The following SPAG5 variants were observed in gnomAD, a reference collection of about 807,000 sequenced individuals.
SPAG5 encodes sperm associated antigen 5, also known as sperm-associated antigen 5.
In SPAG5, 99 loss-of-function variants were observed where a neutral mutation model predicts 145.4. The observed-to-expected ratio is 0.68, with a 90% confidence interval of 0.58 to 0.80. The LOEUF (loss-of-function observed/expected upper bound fraction) is 0.80. Among genes scored for constraint, SPAG5 ranks in the 30% least tolerant of loss-of-function variants. SPAG5 has a pLI of 0.00. For synonymous variants in SPAG5, 477 were observed against 525.4 expected (o/e 0.91, Z 1.26); for missense variants, 1,192 against 1,416.0 (o/e 0.84, Z 2.54).
intron 2 of SPAG5, among the ~76,000 whole-genome samples, chr17:28,594,703 C>G (rs1347617882): frequency 6.6e-6 from 1 of 152,206 alleles, no homozygotes; most frequent in African/African-American, 2.4e-5. Flanking sequence ...CTGGTACTGT[C>G]CTACTTACTG....
chr17:28,583,116 T>C (rs1280603340), intron 15 of SPAG5, among the ~76,000 whole-genome samples: 1 of 152,218 alleles, frequency 6.6e-6, no homozygotes, highest in Non-Finnish European at 1.5e-5. Context: ...TAGCTGGGAC[T>C]ACAGGTTCAC....
chr17:28,592,982 T>C lies in SPAG5; in HGVS notation c.262A>G (p.Lys88Glu). ...TCATGCTGACAAGTTTCTAGCCACT[T>C]TGAGGAATGACTGAAATGTTCTGAA... ...LSSEHFSHSS[K>E]WLETCQHESD... is the part of the protein sequence containing the mutation. Residue 88 changes from lysine to glutamate, a missense_variant, in exon 3 of 24, where the codon AAG (lysine) becomes GAG (glutamate). Around this residue, in one of 5 missense-constraint regions of SPAG5, gnomAD observed 329 missense variants for 354.0 expected, o/e 0.93. Transcript: ENST00000321765. The C allele has an allele frequency of 3.1e-6, 5 of 1,614,204 alleles. No individual in the cohort carries two copies. The highest frequency in any genetic ancestry group is 4.2e-6 in the Non-Finnish European group (5 of 1,180,038).
In SPAG5 at chr17:28,596,623, G is replaced by A. The variant is rs544479138; in HGVS notation, c.177+1887C>T. Among the ~76,000 whole-genome samples the A allele has an allele frequency of 1.8e-4, 27 of 152,194 alleles. 1 individual carries two copies. Among genetic ancestry groups the A allele is most frequent in the Admixed American group, 7.2e-4 (11 of 15,292 alleles). On this transcript the variant is annotated intron_variant, in intron 2 of 23. Transcript: ENST00000321765. ...GCAGAGGTTGCAACGAGCCAAGATC[G>A]TGCCATTGCACTCCAGCCTAGGGAA...
Position 28,584,414 on chromosome 17 carries a change from T to C in SPAG5, c.2228A>G (p.His743Arg). ...AGCCAGGTCCTGGGCACAATGGGTA[T>C]GCTGACTCTGTAGCTCTTTTAGCTG... ...DSQLKELQSQ[H>R]THCAQDLAMK... is the part of the protein sequence containing the mutation. The change falls in exon 12 of 24, where the codon CAT becomes CGT. Residue 743 changes from histidine (H) to arginine (R), a missense_variant. By Grantham distance (29) the His-to-Arg change is conservative. Coordinates refer to ENST00000321765, the MANE Select transcript of SPAG5 (RefSeq NM_006461.4). 1 of 1,614,192 alleles carries C rather than the reference T, an allele frequency of 6.2e-7. No homozygotes were observed. The highest frequency in any genetic ancestry group is 8.5e-7 in the Non-Finnish European group (1 of 1,180,034).
At chr17:28,581,447 C>A (rs1361099664) in intron 15 of SPAG5, among the ~76,000 whole-genome samples, 1 of 151,052 alleles carries the variant, frequency 6.6e-6, no homozygotes, top group Non-Finnish European at 1.5e-5. Context: ...CCCTTTCGAC[C>A]CTTTCCTAAC....
chr17:28,579,760 G>A lies in SPAG5; in HGVS notation c.2875C>T (p.Gln959Ter). The A allele has an allele frequency of 6.2e-7, 1 of 1,614,058 alleles. No individual in the cohort carries two copies. Among genetic ancestry groups the A allele is most frequent in the South Asian group, 1.1e-5 (1 of 91,084 alleles). Residue 959 changes from glutamine to a stop codon, truncating the protein, a stop_gained, in exon 17 of 24, where the codon CAG (glutamine) becomes TAG (stop). Coordinates refer to ENST00000321765, the MANE Select transcript of SPAG5 (RefSeq NM_006461.4). LOFTEE classifies it high-confidence loss of function. ...TGGAGCCCCTCCTAACCTGCGGGCTGAAGGGAAACCATTGATGCTACTCGG... is the reference window on the plus strand; with the variant it reads ...TGGAGCCCCTCCTAACCTGCGGGCTAAAGGGAAACCATTGATGCTACTCGG... ...FTRVASMVSL[Q>*]PAETPGMEES...
rs981525445 is a variant in SPAG5 at position 28,598,498 on chromosome 17, G to A, written c.177+12C>T. On this transcript the variant is annotated intron_variant, in intron 2 of 23. Transcript: ENST00000321765. ...AACAGCCCAGTCGAGAAGCTGTCCA[G>A]GCGAATCTCACCTGCAGCCCCAGCT... is the stretch of plus-strand genomic sequence containing the variant. 2 of 1,612,768 alleles carry A rather than the reference G, an allele frequency of 1.2e-6. No individual in the cohort carries two copies. Among genetic ancestry groups the A allele is most frequent in the African/African-American group, 1.3e-5 (1 of 74,984 alleles).
intron 16 of SPAG5, 44 bp downstream of exon 16, chr17:28,579,965 G>A: frequency 6.5e-7 from 1 of 1,542,686 alleles, no homozygotes. Flanking sequence ...GATATCAGGA[G>A]CAGCGTCACA....
chr17:28,593,967 G>A (rs898917419), intron 2 of SPAG5, among the ~76,000 whole-genome samples: 1 of 151,988 alleles, frequency 6.6e-6, no homozygotes, highest in African/African-American at 2.4e-5. Flanking sequence ...TGGACAAGTG[G>A]AAGAAATATC....
intron 18 of SPAG5, 24 bp downstream of exon 18, chr17:28,579,341 T>C (rs1362079744): frequency 1.9e-6 from 3 of 1,613,944 alleles, no homozygotes; most frequent in African/African-American, 2.7e-5. Context: ...TGTCCCTCTG[T>C]CACCAAAACT....
intron 7 of SPAG5, 93 bp from the exon 8 acceptor site, chr17:28,585,746 A>T (rs1198798805): frequency 6.2e-7 from 1 of 1,607,164 alleles, no homozygotes; most frequent in Non-Finnish European, 8.5e-7. Context: ...TCAGTTCTTT[A>T]CTGCCCAGGG....
At chr17:28,588,178 A>T (rs577315329) in intron 4 of SPAG5, among the ~76,000 whole-genome samples, 1 of 152,376 alleles carries the variant, frequency 6.6e-6, no homozygotes, top group Admixed American at 6.5e-5. Flanking sequence ...AGAGTAGCAC[A>T]TGAGCTTGGA....
chr17:28,598,379 C>T, intron 2 of SPAG5, 131 bp downstream of exon 2: 1 of 1,139,872 alleles, frequency 8.8e-7, no homozygotes, highest in East Asian at 2.7e-5. Flanking sequence ...GCCTGAATAG[C>T]TGTAAATGGA....
intron 15 of SPAG5, 108 bp from the exon 16 acceptor site, chr17:28,580,228 A>C: frequency 1.1e-5 from 7 of 624,512 alleles, no homozygotes; most frequent in Non-Finnish European, 1.7e-5. Context: ...CTATTATCTC[A>C]ATTCTCTATC....
chr17:28,588,115 C>G (rs980957854), intron 4 of SPAG5, among the ~76,000 whole-genome samples: 1 of 152,186 alleles, frequency 6.6e-6, no homozygotes, highest in Non-Finnish European at 1.5e-5. Context: ...GTTCATGGCT[C>G]CCTTCCCCAG....
intron 19 of SPAG5, 122 bp downstream of exon 19, chr17:28,579,019 C>G (rs2070529252): frequency 1.2e-6 from 1 of 850,640 alleles, no homozygotes; most frequent in African/African-American, 1.7e-5. Flanking sequence ...CCAGGAAGGG[C>G]AAAACTAGGG....
At chr17:28,596,718 G>A (rs2070667657) in intron 2 of SPAG5, among the ~76,000 whole-genome samples, 1 of 152,104 alleles carries the variant, frequency 6.6e-6, no homozygotes, top group Non-Finnish European at 1.5e-5. Flanking sequence ...AAGCTCTATA[G>A]AGCTAATTTC....
In SPAG5 at chr17:28,591,985, C is replaced by A; in HGVS notation, c.1259G>T (p.Cys420Phe). 6.2e-7 allele frequency: 1 copy of A among 1,613,740 alleles called. No homozygotes were observed. Among genetic ancestry groups the A allele is most frequent in the Non-Finnish European group, 8.5e-7 (1 of 1,179,714 alleles). ...GCAAGGACATAGGGGCGCTTACCCA[C>A]ACAGGAGCTGCTCTGTCTCAGAAGT... ...HSTSETEQLL[C>F]GRPPDLTALS... Residue 420 changes from cysteine (C) to phenylalanine (F), a missense_variant, in exon 3 of 24, where the codon TGT (cysteine) becomes TTT (phenylalanine). Physicochemically the swap from Cys to Phe is radical, Grantham distance 205. This residue lies in a region of SPAG5 where 125 missense variants were observed against 143.8 expected (regional missense o/e 0.87). Coordinates refer to ENST00000321765, the MANE Select transcript of SPAG5 (RefSeq NM_006461.4).
chr17:28,589,409 T>C (rs1453055153), intron 4 of SPAG5, among the ~76,000 whole-genome samples: 1 of 151,182 alleles, frequency 6.6e-6, no homozygotes, highest in Non-Finnish European at 1.5e-5. Context: ...TAAAATAAAA[T>C]TATTAGATTA....
Sources: allele counts gnomAD v4.1 joint callset (sites outside exome capture counted in the v4.1 genomes callset), GRCh38; gene constraint gnomAD v4.1.1; regional missense constraint gnomAD v4.1.1; transcripts MANE v1.5; gene names NCBI Gene and HGNC (gene_info 2026-07-23, HGNC 2026-07-21).